The following SOHLH2 variants were observed in gnomAD, a reference collection of about 807,000 sequenced individuals.
The protein encoded by SOHLH2 is spermatogenesis and oogenesis specific basic helix-loop-helix 2.
A neutral mutation model predicts 50.4 loss-of-function variants in SOHLH2; 22 were observed. That is an observed-to-expected ratio of 0.44 (90% confidence interval 0.31 to 0.62). SOHLH2 has a LOEUF of 0.62. Ranked by LOEUF, SOHLH2 falls within the 20% of genes least tolerant of loss-of-function variation. The pLI is 0.08. For missense variants in SOHLH2, 412 were observed against 504.4 expected (o/e 0.82, Z 1.76); for synonymous variants, 185 against 187.3 (o/e 0.99, Z 0.10).
chr13:36,210,742 C>G (rs1869069632), intron 1 of SOHLH2, among the ~76,000 whole-genome samples: 1 of 152,186 alleles, frequency 6.6e-6, no homozygotes, highest in African/African-American at 2.4e-5. Context: ...GTTTCATAGC[C>G]TGCTACCAAC....
rs1486116025 is a variant in SOHLH2 at position 36,194,949 on chromosome 13, T to A, written c.264-1082A>T. The stretch of plus-strand genomic sequence containing the variant: ...GTAAGTATACATTCTATATTTCAAA[T>A]TACATTATATATTAATATAAATTTA... On this transcript the variant is annotated intron_variant, in intron 2 of 10. Transcript: ENST00000379881. Among the ~76,000 whole-genome samples, 4 of 152,152 alleles carry A rather than the reference T, an allele frequency of 2.6e-5. 1 individual carries two copies. Among genetic ancestry groups the A allele is most frequent in the South Asian group, 4.1e-4 (2 of 4,824 alleles).
chr13:36,195,360 C>T (rs574530359), intron 2 of SOHLH2, among the ~76,000 whole-genome samples: 4 of 152,016 alleles, frequency 2.6e-5, no homozygotes, highest in South Asian at 4.2e-4. Context: ...CTGGGGTGGT[C>T]GAGAACAGGT....
chr13:36,191,980 T>C, intron 4 of SOHLH2, 86 bp from the exon 5 acceptor site: 1 of 1,379,104 alleles, frequency 7.3e-7, no homozygotes, highest in Non-Finnish European at 1.0e-6. Context: ...CAATCCTTAA[T>C]GCAGTTGTCT....
chr13:36,194,674 G>A (rs973917469), intron 2 of SOHLH2, among the ~76,000 whole-genome samples: 3 of 152,142 alleles, frequency 2.0e-5, no homozygotes, highest in Non-Finnish European at 4.4e-5. Context: ...TCTGGAATTC[G>A]ATAATTGGAT....
At chr13:36,207,223 AT>A (rs1290877325) in intron 1 of SOHLH2, among the ~76,000 whole-genome samples, 1 of 152,102 alleles carries the variant, frequency 6.6e-6, no homozygotes, top group Non-Finnish European at 1.5e-5. Context: ...GAATTAGCTA[AT>A]ATCAATTAAT....
At chr13:36,192,549 G>A (rs1887605972) in intron 4 of SOHLH2, among the ~76,000 whole-genome samples, 1 of 152,164 alleles carries the variant, frequency 6.6e-6, no homozygotes, top group Admixed American at 6.5e-5. Context: ...GACTGTTAAA[G>A]TAAATCTCAT....
chr13:36,192,268 C>T (rs762827724), intron 4 of SOHLH2, among the ~76,000 whole-genome samples: 18 of 152,066 alleles, frequency 1.2e-4, no homozygotes, highest in Non-Finnish European at 2.1e-4. Context: ...CGAAATATAG[C>T]ATCTGAAAAA....
chr13:36,202,000 T>C lies in SOHLH2; in HGVS notation c.142A>G (p.Ile48Val). The change falls in exon 2 of 11, where the codon ATC becomes GTC. Residue 48 changes from isoleucine to valine, a missense_variant. Physicochemically the swap from Ile to Val is conservative, Grantham distance 29. Transcript: ENST00000379881. ...KLFANIAEVTITISDTKEAAA... is the reference protein window; with the variant it reads ...KLFANIAEVTVTISDTKEAAA... ...GCCTCCTTCGTGTCACTGATGGTGATGGTGACTTCTGCTATGTTTGCAAAT... is the reference window on the plus strand; with the variant it reads ...GCCTCCTTCGTGTCACTGATGGTGACGGTGACTTCTGCTATGTTTGCAAAT... 6.2e-7 allele frequency: 1 copy of C among 1,614,216 alleles called. No individual in the cohort carries two copies. Among genetic ancestry groups the C allele is most frequent in the South Asian group, 1.1e-5 (1 of 91,084 alleles).
At chr13:36,177,773 A>G (rs1555243160) in intron 6 of SOHLH2, among the ~76,000 whole-genome samples, 3 of 151,878 alleles carry the variant, frequency 2.0e-5, no homozygotes, top group Non-Finnish European at 4.4e-5. Context: ...AGGTCTTTTT[A>G]TTTTTTAGTT....
intron 1 of SOHLH2, among the ~76,000 whole-genome samples, chr13:36,207,567 A>C (rs1202386997): frequency 2.0e-5 from 3 of 152,212 alleles, no homozygotes; most frequent in Admixed American, 1.3e-4. Flanking sequence ...AATTGTGAGA[A>C]AGAAAACCCT....
At chr13:36,173,657 C>T (rs1421467258) in intron 9 of SOHLH2, 35 bp downstream of exon 9, 1 of 1,611,442 alleles carries the variant, frequency 6.2e-7, no homozygotes, top group Non-Finnish European at 8.5e-7. Flanking sequence ...GGGCAGGTCC[C>T]CCTCTAAGTG....
chr13:36,194,335 T>C (rs1887660712), intron 2 of SOHLH2, among the ~76,000 whole-genome samples: 1 of 152,218 alleles, frequency 6.6e-6, no homozygotes, highest in African/African-American at 2.4e-5. Context: ...TGAATGCTAA[T>C]GGGATATTTG....
intron 6 of SOHLH2, among the ~76,000 whole-genome samples, chr13:36,186,530 G>T (rs982477088): frequency 6.6e-5 from 10 of 152,054 alleles, no homozygotes; most frequent in Non-Finnish European, 1.2e-4. Flanking sequence ...GTCTAGTCCT[G>T]GAAAAGTCTT....
intron 1 of SOHLH2, among the ~76,000 whole-genome samples, chr13:36,212,679 A>G (rs1386876450): frequency 6.6e-6 from 1 of 152,208 alleles, no homozygotes; most frequent in African/African-American, 2.4e-5. Context: ...AACGAAAGTA[A>G]CATGTATTCA....
chr13:36,193,932 G>T, intron 2 of SOHLH2, 65 bp from the exon 3 acceptor site: 1 of 1,495,492 alleles, frequency 6.7e-7, no homozygotes, highest in Non-Finnish European at 9.1e-7. Context: ...AGATTCAGGA[G>T]TTTAGCTTAT....
chr13:36,192,979 C>T (rs747212149), intron 4 of SOHLH2, among the ~76,000 whole-genome samples: 3 of 152,006 alleles, frequency 2.0e-5, no homozygotes, highest in Non-Finnish European at 2.9e-5. Flanking sequence ...TATCCCAGGC[C>T]GAGAAAGACC....
intron 1 of SOHLH2, among the ~76,000 whole-genome samples, chr13:36,204,021 G>T (rs1337497348): frequency 1.4e-4 from 20 of 147,450 alleles, no homozygotes; most frequent in African/African-American, 5.0e-4. Flanking sequence ...CGTGATCTCG[G>T]CTCACTGTAA....
At position 36,170,513 on chromosome 13, in the gene SOHLH2, G is replaced by A; in HGVS notation, c.1257+18C>T. On this transcript the variant is annotated intron_variant, in intron 10 of 10. Coordinates refer to ENST00000379881, the MANE Select transcript of SOHLH2 (RefSeq NM_017826.3). ...AGTGAAAGGGTCCAATCTGATCCAT[G>A]GACCCCTGGAAACTTACCAGACAGT... The A allele has an allele frequency of 6.2e-7, 1 of 1,610,618 alleles. No individual in the cohort carries two copies. Among genetic ancestry groups the A allele is most frequent in the Non-Finnish European group, 8.5e-7 (1 of 1,178,020 alleles).
At chr13:36,207,467 G>A (rs753474612) in intron 1 of SOHLH2, among the ~76,000 whole-genome samples, 4 of 152,140 alleles carry the variant, frequency 2.6e-5, no homozygotes, top group Non-Finnish European at 5.9e-5. Context: ...AAGAGTTGCA[G>A]AGAGGGTATG....
Sources: gnomAD v4.1 joint callset for allele counts (sites outside exome capture counted in the v4.1 genomes callset) on GRCh38, gnomAD v4.1.1 for gene constraint, MANE v1.5 for transcripts, NCBI Gene and HGNC (gene_info 2026-07-23, HGNC 2026-07-21) for gene names.